MYH10: variants seen among roughly 807,000 people sequenced by gnomAD.
The protein encoded by MYH10 is myosin-10.
Under a neutral mutation model 257.8 loss-of-function variants are expected in MYH10, and 55 were observed. That is an observed-to-expected ratio of 0.21 (90% CI 0.17 to 0.27). The LOEUF is 0.27. Ranked by LOEUF, MYH10 falls within the 10% of genes least tolerant of loss-of-function variation. The pLI is 1.00. For missense variants in MYH10, 1,631 were observed against 2,500.6 expected (o/e 0.65, Z 7.42); for synonymous variants, 854 against 921.7 (o/e 0.93, Z 1.33).
intron 7 of MYH10, among the ~76,000 whole-genome samples, chr17:8,563,255 G>A (rs191219163): frequency 3.9e-5 from 6 of 152,306 alleles, no homozygotes; most frequent in Admixed American, 3.3e-4. Context: ...CAAACCAGAA[G>A]CTTTGTTGTT....
intron 31 of MYH10, among the ~76,000 whole-genome samples, chr17:8,494,231 C>T (rs554882682): frequency 2.6e-4 from 39 of 152,316 alleles, no homozygotes; most frequent in South Asian, 2.1e-3. Flanking sequence ...CACCCCCTGC[C>T]CCGTCTTAGT....
intron 29 of MYH10, among the ~76,000 whole-genome samples, chr17:8,499,745 C>T (rs117379544): frequency 2.0e-3 from 309 of 152,278 alleles, no homozygotes; most frequent in Non-Finnish European, 3.5e-3. Context: ...CCAGGTGTGT[C>T]CTGTCTGCAG....
rs918876768 is a variant in MYH10 at position 8,518,520 on chromosome 17, C to G, written c.2504+111G>C. 3 of 1,184,884 alleles carry G rather than the reference C, an allele frequency of 2.5e-6. No homozygotes were observed. In the South Asian group the frequency reaches 4.5e-5, roughly 18 times the overall value. 73.4% of individuals were successfully genotyped at this position (1,184,884 alleles called of 1,614,324 possible). On this transcript the variant is annotated intron_variant, in intron 21 of 42. Transcript: ENST00000360416. ...TATCTCTGCCACTATAAAGCAACTT[C>G]TGTAAGGACAGACTATGTCTCACAC...
In MYH10 at chr17:8,474,722, T is replaced by G. The variant is rs1281135538; in HGVS notation, c.*1082A>C. The G allele has an allele frequency of 6.6e-6, 1 of 152,618 alleles. No individual in the cohort carries two copies. The highest frequency in any genetic ancestry group is 2.4e-5 in the African/African-American group (1 of 41,424). The allele number at this position is 152,618 out of a possible 1,614,324, so 9.5% of individuals were successfully genotyped here. Reference sequence around the variant, plus strand: ...GCTTAACTACCAACCAAAAACAGGATGCTAAGTGTTCACTGTAACACTGTC... The same window carrying G: ...GCTTAACTACCAACCAAAAACAGGAGGCTAAGTGTTCACTGTAACACTGTC... On this transcript the variant is annotated 3_prime_UTR_variant, in exon 43 of 43. Transcript: ENST00000360416.
At chr17:8,555,317 A>T (rs1447700894) in intron 7 of MYH10, among the ~76,000 whole-genome samples, 1 of 152,164 alleles carries the variant, frequency 6.6e-6, no homozygotes, top group Non-Finnish European at 1.5e-5. Flanking sequence ...GGGAAATCGA[A>T]AAGGACTTAG....
chr17:8,591,528 G>A (rs1236616850), intron 3 of MYH10, among the ~76,000 whole-genome samples: 4 of 152,080 alleles, frequency 2.6e-5, no homozygotes, highest in Non-Finnish European at 4.4e-5. Context: ...TCAGACCCCC[G>A]AATTTTCCTG....
At chr17:8,517,895 G>A (rs1021681625) in intron 21 of MYH10, among the ~76,000 whole-genome samples, 1 of 152,178 alleles carries the variant, frequency 6.6e-6, no homozygotes, top group African/African-American at 2.4e-5. Context: ...GGATGCTGCT[G>A]TAGTTCCCTT....
chr17:8,493,650 C>G, intron 32 of MYH10, 83 bp downstream of exon 32: 4 of 1,469,512 alleles, frequency 2.7e-6, no homozygotes, highest in Non-Finnish European at 3.6e-6. Context: ...CCAAATGGAG[C>G]TGAGACAGCC....
rs1406455742 is a variant in MYH10, at chr17:8,545,132, C to T, written c.1431+316G>A. Among the ~76,000 whole-genome samples the T allele has an allele frequency of 1.3e-5, 2 of 152,204 alleles. No homozygotes were observed. Among genetic ancestry groups the T allele is most frequent in the Non-Finnish European group, 2.9e-5 (2 of 68,034 alleles). ...CCCATACAGGACCACTGGAATTACT[C>T]TCATTATGCCGGGAAACTGACCGAG... On this transcript the variant is annotated intron_variant, in intron 13 of 42. Coordinates refer to ENST00000360416, the MANE Select transcript of MYH10 (RefSeq NM_001256012.3). The surrounding 1 kb of genome is among the most constrained non-coding windows in gnomAD (Gnocchi z 4.7).
chr17:8,492,421 G>T lies in MYH10; in HGVS notation c.4547C>A (p.Ala1516Asp). Residue 1516 changes from alanine to aspartate, a missense_variant, in exon 34 of 43, where the codon GCC becomes GAC. Coordinates refer to ENST00000360416, the MANE Select transcript of MYH10 (RefSeq NM_001256012.3). ...EAEAREKETK[A>D]LSLARALEEA... is the part of the protein sequence containing the mutation. ...CTCGAGGGCCCGGGCCAGTGACAGGGCTTTGGTTTCTTTCTCTCTGGCCTC... is the reference window on the plus strand; with the variant it reads ...CTCGAGGGCCCGGGCCAGTGACAGGTCTTTGGTTTCTTTCTCTCTGGCCTC... 1 of 1,613,262 alleles carries T rather than the reference G, an allele frequency of 6.2e-7. No individual in the cohort carries two copies.
chr17:8,618,970 T>G (rs945775883), intron 2 of MYH10, among the ~76,000 whole-genome samples: 1 of 152,244 alleles, frequency 6.6e-6, no homozygotes, highest in Non-Finnish European at 1.5e-5. Flanking sequence ...AGAAAATGTC[T>G]GCCAAATACC....
chr17:8,520,136 TTTTA>T (rs2081606260), intron 19 of MYH10, among the ~76,000 whole-genome samples: 1 of 152,218 alleles, frequency 6.6e-6, no homozygotes, highest in Non-Finnish European at 1.5e-5. Context: ...CCTTGATGAT[TTTTA>T]TTTACTTTTT....
chr17:8,495,271 C>A (rs1338226343), intron 30 of MYH10, 30 bp from the exon 31 acceptor site: 16 of 1,349,352 alleles, frequency 1.2e-5, no homozygotes, highest in Non-Finnish European at 1.7e-5. Flanking sequence ...AAATTCAACT[C>A]AATAGTAAGC....
At chr17:8,510,268 TC>T (rs2081221148) in intron 24 of MYH10, among the ~76,000 whole-genome samples, 1 of 151,986 alleles carries the variant, frequency 6.6e-6, no homozygotes, top group African/African-American at 2.4e-5. Flanking sequence ...GGTCTTGATC[TC>T]CTGACCTCAT....
chr17:8,615,688 T>A (rs757998567), intron 2 of MYH10, among the ~76,000 whole-genome samples: 3 of 152,170 alleles, frequency 2.0e-5, no homozygotes, highest in Non-Finnish European at 4.4e-5. Context: ...AAAAATCACA[T>A]TATCATCTCA....
chr17:8,478,932 A>G (rs1420470692), intron 40 of MYH10, among the ~76,000 whole-genome samples: 1 of 152,110 alleles, frequency 6.6e-6, no homozygotes, highest in Non-Finnish European at 1.5e-5. Context: ...GGGTTTTACT[A>G]CGTTGGCCAG....
rs1189545848 is a variant in MYH10, at chr17:8,569,364, A to C, written c.756+356T>G. On this transcript the variant is annotated intron_variant, in intron 7 of 42. Transcript: ENST00000360416. This position sits in a 1 kb window ranked among gnomAD's most constrained non-coding sequence, Gnocchi z 4.1. ...GTTTACTATGCATAGTGCCGGGCTA[A>C]GTGCTCAGCGTGCACACCATTTATT... Among the ~76,000 whole-genome samples, 1 of 152,224 alleles carries C rather than the reference A, an allele frequency of 6.6e-6. No individual in the cohort carries two copies. The highest frequency in any genetic ancestry group is 1.9e-4 in the East Asian group (1 of 5,196).
Position 8,545,374 on chromosome 17 carries a change from C to T in MYH10, c.1431+74G>A. Reference sequence around the variant, plus strand: ...CCTGGTGCCTCGTATGTACTGGGCACACAGTAAGCCTTCATATTTGTTAAA... The same window carrying T: ...CCTGGTGCCTCGTATGTACTGGGCATACAGTAAGCCTTCATATTTGTTAAA... On this transcript the variant is annotated intron_variant, in intron 13 of 42. Coordinates refer to ENST00000360416, the MANE Select transcript of MYH10 (RefSeq NM_001256012.3). This position sits in a 1 kb window ranked among gnomAD's most constrained non-coding sequence, Gnocchi z 4.7. 1 of 1,543,524 alleles carries T rather than the reference C, an allele frequency of 6.5e-7. No individual in the cohort carries two copies. The highest frequency in any genetic ancestry group is 8.9e-7 in the Non-Finnish European group (1 of 1,127,910).
At chr17:8,593,740 T>C (rs2435960) in intron 3 of MYH10, among the ~76,000 whole-genome samples, 104,594 of 152,050 alleles carry the variant, frequency 0.69, 36,044 homozygotes, top group East Asian at 0.77. Context: ...GACTCAATAT[T>C]GTTGTTAATT....
Sources: allele counts gnomAD v4.1 joint callset (sites outside exome capture counted in the v4.1 genomes callset), GRCh38; gene constraint gnomAD v4.1.1; non-coding constraint Gnocchi (gnomAD v3.1); transcripts MANE v1.5; gene names NCBI Gene and HGNC (gene_info 2026-07-23, HGNC 2026-07-21).